The following ZNF492 variants were observed in gnomAD, a reference collection of about 807,000 sequenced individuals.
ZNF492 encodes zinc finger protein 492, also known as zinc finger protein 115 (Y20).
In ZNF492, 3 loss-of-function variants were observed where a neutral mutation model predicts 6.4. That is an observed-to-expected ratio of 0.47 (90% CI 0.21 to 1.22). The LOEUF (loss-of-function observed/expected upper bound fraction) is 1.22. ZNF492 is among the 50% of genes most tolerant of loss of function. ZNF492 has a pLI of 0.22. For synonymous variants in ZNF492, 112 were observed against 205.3 expected (o/e 0.55, Z 3.89); for missense variants, 356 against 612.5 (o/e 0.58, Z 4.42).
At chr19:22,661,542 C>G (rs550820062) in intron 3 of ZNF492, among the ~76,000 whole-genome samples, 8 of 152,126 alleles carry the variant, frequency 5.3e-5, no homozygotes, top group South Asian at 2.1e-4. Flanking sequence ...TTCTTAGGAT[C>G]TGCCTTGTCT....
At chr19:22,657,513 C>T (rs1972008078) in intron 3 of ZNF492, among the ~76,000 whole-genome samples, 1 of 152,032 alleles carries the variant, frequency 6.6e-6, no homozygotes, top group Non-Finnish European at 1.5e-5. Flanking sequence ...ACTTTTACTG[C>T]ATTACAGTGC....
At chr19:22,653,517 A>G in intron 2 of ZNF492, 84 bp downstream of exon 2, 1 of 1,491,680 alleles carries the variant, frequency 6.7e-7, no homozygotes, top group African/African-American at 1.6e-5. Context: ...TTGGTAATTT[A>G]TGCTTTCAGA....
chr19:22,658,483 C>A (rs1428285467), intron 3 of ZNF492, among the ~76,000 whole-genome samples: 1 of 148,304 alleles, frequency 6.7e-6, no homozygotes, highest in Non-Finnish European at 1.5e-5. Flanking sequence ...AGAAATTTTA[C>A]AATACACATT....
In ZNF492 at chr19:22,666,378, C is replaced by G. The variant is rs2145267613; in HGVS notation, c.*1113C>G. 6.6e-6 allele frequency: 1 copy of G among 151,938 alleles called. No homozygotes were observed. The highest frequency in any genetic ancestry group is 2.4e-5 in the African/African-American group (1 of 41,456). The allele number at this position is 151,938 out of a possible 1,614,324, so 9.4% of individuals were successfully genotyped here. A position where few individuals can be genotyped will look rare whatever the true frequency, so the allele number is the denominator to read the frequency against. Reference sequence around the variant, plus strand: ...GCTAAATTTTGTATTTTTAATAGAGCCAGGGTTTTGCCATGTTGGCCAGGC... The same window carrying G: ...GCTAAATTTTGTATTTTTAATAGAGGCAGGGTTTTGCCATGTTGGCCAGGC... On this transcript the variant is annotated 3_prime_UTR_variant, in exon 4 of 4. Coordinates refer to ENST00000456783, the MANE Select transcript of ZNF492 (RefSeq NM_020855.3).
At chr19:22,636,492 T>A (rs1971764755) in intron 1 of ZNF492, among the ~76,000 whole-genome samples, 1 of 144,652 alleles carries the variant, frequency 6.9e-6, no homozygotes, top group Non-Finnish European at 1.5e-5. Context: ...TTGCTCTATG[T>A]TGCTTCAAAG....
intron 1 of ZNF492, among the ~76,000 whole-genome samples, chr19:22,637,223 T>G (rs957416749): frequency 1.3e-5 from 2 of 152,038 alleles, no homozygotes; most frequent in Middle Eastern, 3.2e-3. Context: ...GTGATCTGCC[T>G]GTCTTGGTCT....
In ZNF492 at chr19:22,665,500, A is replaced by T; in HGVS notation, c.*235A>T. ...CATCTTATTCAACATCAGAGTTTATATTAATAGCATTAAAAGTGCAATTAC... is the reference window on the plus strand; with the variant it reads ...CATCTTATTCAACATCAGAGTTTATTTTAATAGCATTAAAAGTGCAATTAC... On this transcript the variant is annotated 3_prime_UTR_variant, in exon 4 of 4. Coordinates refer to ENST00000456783, the MANE Select transcript of ZNF492 (RefSeq NM_020855.3). The T allele has an allele frequency of 1.2e-6, 1 of 809,940 alleles. No homozygotes were observed. The highest frequency in any genetic ancestry group is 1.8e-6 in the Non-Finnish European group (1 of 558,128). 50.2% of individuals were successfully genotyped at this position (809,940 alleles called of 1,614,324 possible).
chr19:22,655,810 C>CTTG (rs1298756479), intron 3 of ZNF492, among the ~76,000 whole-genome samples: 1 of 59,380 alleles, frequency 1.7e-5, no homozygotes, highest in African/African-American at 7.4e-5. Context: ...TCAAGTTTTT[C>CTTG]TTGTTGTTTT....
chr19:22,663,571 A>G (rs558864827), intron 3 of ZNF492, among the ~76,000 whole-genome samples: 6 of 151,914 alleles, frequency 3.9e-5, no homozygotes, highest in African/African-American at 9.7e-5. Context: ...CTTCTATGTG[A>G]CTCTTTGCAT....
chr19:22,636,547 T>TTGTGTGTGTGC (rs1971767158), intron 1 of ZNF492, among the ~76,000 whole-genome samples: 3 of 145,160 alleles, frequency 2.1e-5, no homozygotes, highest in Non-Finnish European at 4.5e-5. Flanking sequence ...TGTGTGTGTT[T>TTGTGTGTGTGC]GTGTGTGTGC....
chr19:22,647,726 A>AGTTTTTTT (rs1971896804), intron 1 of ZNF492, among the ~76,000 whole-genome samples: 1 of 78,348 alleles, frequency 1.3e-5, no homozygotes, highest in African/African-American at 6.3e-5. Context: ...TAGCTCTTTT[A>AGTTTTTTT]GTTTTTTTTT....
chr19:22,659,591 CAGAG>C lies in ZNF492; in HGVS notation c.131-4197_131-4194del, dbSNP rs71180579. ...ACACACACACACACACACACACACA[CAGAG>C]AGAGAGAGAGACGTGTATACAGATT... On this transcript the variant is annotated intron_variant, in intron 3 of 3. Coordinates refer to ENST00000456783, the MANE Select transcript of ZNF492 (RefSeq NM_020855.3). Among the ~76,000 whole-genome samples, 1,036 of 144,646 alleles carry C rather than the reference CAGAG, an allele frequency of 7.2e-3. 13 individuals carry two copies. The highest frequency in any genetic ancestry group is 0.027 in the African/African-American group (984 of 36,566). 94.9% of individuals were successfully genotyped at this position (144,646 alleles called of 152,430 possible).
intron 3 of ZNF492, among the ~76,000 whole-genome samples, chr19:22,662,095 C>T (rs533898016): frequency 6.6e-6 from 1 of 152,178 alleles, no homozygotes; most frequent in South Asian, 2.1e-4. Flanking sequence ...CCCCTCATAC[C>T]CCGACAGGCC....
At chr19:22,660,369 G>A (rs1302477676) in intron 3 of ZNF492, among the ~76,000 whole-genome samples, 3 of 149,724 alleles carry the variant, frequency 2.0e-5, no homozygotes, top group Non-Finnish European at 4.4e-5. Flanking sequence ...TTTTTGTATT[G>A]ATATGCTTTT....
intron 3 of ZNF492, among the ~76,000 whole-genome samples, chr19:22,656,689 C>G (rs1461982918): frequency 2.6e-5 from 4 of 152,062 alleles, no homozygotes; most frequent in Non-Finnish European, 5.9e-5. Context: ...GTTCAGAATT[C>G]TCAGTGGGAC....
intron 3 of ZNF492, among the ~76,000 whole-genome samples, chr19:22,657,294 C>T (rs1002107895): frequency 6.6e-6 from 1 of 152,092 alleles, no homozygotes; most frequent in Non-Finnish European, 1.5e-5. Flanking sequence ...TTTCATATAT[C>T]AGAGGCCCTG....
At chr19:22,659,581 CACACACACACAG>C (rs1270176827) in intron 3 of ZNF492, among the ~76,000 whole-genome samples, 2 of 150,322 alleles carry the variant, frequency 1.3e-5, no homozygotes, top group Non-Finnish European at 2.9e-5. Flanking sequence ...CACACACACA[CACACACACACAG>C]AGAGAGAGAG....
chr19:22,665,555 A>T lies in ZNF492; in HGVS notation c.*290A>T. ...AAAAGAGTTCAAAAAATAAGCATTT[A>T]AAGTGCTGAAGAGGATTTATTTTGA... On this transcript the variant is annotated 3_prime_UTR_variant, in exon 4 of 4. Coordinates refer to ENST00000456783, the MANE Select transcript of ZNF492 (RefSeq NM_020855.3). 2.4e-6 allele frequency: 1 copy of T among 409,534 alleles called. No individual in the cohort carries two copies. Among genetic ancestry groups the T allele is most frequent in the Non-Finnish European group, 4.1e-6 (1 of 242,494 alleles). 25.4% of individuals were successfully genotyped at this position (409,534 alleles called of 1,614,324 possible).
rs59051481 is a variant in ZNF492, at chr19:22,652,221, C to CTTTTTTTTTTTTTTTTTTTTTTT, written c.-93-1069_-93-1068insTTTTTTTTTTTTTTTTTTTTTTT. On this transcript the variant is annotated intron_variant, in intron 1 of 3. Transcript: ENST00000456783. Reference sequence around the variant, plus strand: ...AATCTGGCAGCTGACCTTTCTTAGGCTTTTTTTTTTTTTTTTTGAGACGGA... The same window carrying CTTTTTTTTTTTTTTTTTTTTTTT: ...AATCTGGCAGCTGACCTTTCTTAGGCTTTTTTTTTTTTTTTTTTTTTTTTTTTTTTTTTTTTTTTTGAGACGGA... Among the ~76,000 whole-genome samples the CTTTTTTTTTTTTTTTTTTTTTTT allele has an allele frequency of 4.7e-5, 5 of 105,508 alleles. 1 individual carries two copies. Among genetic ancestry groups the CTTTTTTTTTTTTTTTTTTTTTTT allele is most frequent in the African/African-American group, 2.3e-4 (4 of 17,610 alleles). 69.2% of individuals were successfully genotyped at this position (105,508 alleles called of 152,430 possible).
Sources: gnomAD v4.1 joint callset for allele counts (sites outside exome capture counted in the v4.1 genomes callset) on GRCh38, gnomAD v4.1.1 for gene constraint, MANE v1.5 for transcripts, NCBI Gene and HGNC (gene_info 2026-07-23, HGNC 2026-07-21) for gene names.